ARL5B: variants seen among roughly 807,000 people sequenced by gnomAD.
ARL5B encodes ADP-ribosylation factor-like protein 5B.
Under a neutral mutation model 26.9 loss-of-function variants are expected in ARL5B, and 10 were observed. That is an observed-to-expected ratio of 0.37 (90% confidence interval 0.23 to 0.63). ARL5B has a LOEUF of 0.63. ARL5B is among the 30% of genes least tolerant of loss of function. The pLI, the probability that ARL5B is intolerant of heterozygous loss-of-function variation, is 0.62. For missense variants in ARL5B, 167 were observed against 213.9 expected (o/e 0.78, Z 1.37); for synonymous variants, 87 against 70.4 (o/e 1.24, Z -1.18).
Position 18,662,227 on chromosome 10 carries a change from A to T in ARL5B, c.46+2544A>T, listed in dbSNP as rs76239778. ...AGGCCTGGGCATCACTGCCAAGGTAAATCGAATGTGCAGCCAGTGTTAAGA... is the reference window on the plus strand; with the variant it reads ...AGGCCTGGGCATCACTGCCAAGGTATATCGAATGTGCAGCCAGTGTTAAGA... On this transcript the variant is annotated intron_variant, in intron 1 of 5. Coordinates refer to ENST00000377275, the MANE Select transcript of ARL5B (RefSeq NM_178815.5). Among the ~76,000 whole-genome samples, 1,186 of 152,362 alleles carry T rather than the reference A, an allele frequency of 7.8e-3. 7 individuals are homozygous for T. The highest frequency in any genetic ancestry group is 0.011 in the Non-Finnish European group (744 of 68,032).
At chr10:18,670,644 CAT>C (rs1211444119) in intron 3 of ARL5B, among the ~76,000 whole-genome samples, 1 of 152,070 alleles carries the variant, frequency 6.6e-6, no homozygotes, top group Non-Finnish European at 1.5e-5. Context: ...GGACAAATGA[CAT>C]TGTAGCATAT....
chr10:18,668,357 G>A (rs575711604), intron 2 of ARL5B, among the ~76,000 whole-genome samples, 173 bp from the exon 3 acceptor site: 1 of 151,864 alleles, frequency 6.6e-6, no homozygotes, highest in East Asian at 1.9e-4. Context: ...TCTTTCTTCT[G>A]GAGTTGTTAT....
At chr10:18,665,654 G>T (rs770096463) in intron 1 of ARL5B, among the ~76,000 whole-genome samples, 3 of 152,184 alleles carry the variant, frequency 2.0e-5, no homozygotes, top group Admixed American at 6.5e-5. Context: ...GATATGAGAT[G>T]TGCCCAATCG....
chr10:18,667,434 C>T (rs2059866300), intron 2 of ARL5B, among the ~76,000 whole-genome samples: 1 of 152,152 alleles, frequency 6.6e-6, no homozygotes, highest in African/African-American at 2.4e-5. Flanking sequence ...CTCTTGAAAA[C>T]ATTTTCATTC....
intron 3 of ARL5B, among the ~76,000 whole-genome samples, chr10:18,669,338 C>G (rs2059876405): frequency 6.6e-6 from 1 of 152,052 alleles, no homozygotes; most frequent in African/African-American, 2.4e-5. Context: ...TCACAACTTT[C>G]TAAGAGACCC....
intron 1 of ARL5B, among the ~76,000 whole-genome samples, chr10:18,663,805 C>T (rs2059848165): frequency 6.6e-6 from 1 of 151,936 alleles, no homozygotes; most frequent in Non-Finnish European, 1.5e-5. Flanking sequence ...ACCTCGGCCT[C>T]CCAAAGTGCT....
At chr10:18,663,677 T>C (rs1167628173) in intron 1 of ARL5B, among the ~76,000 whole-genome samples, 1 of 150,480 alleles carries the variant, frequency 6.6e-6, no homozygotes, top group Non-Finnish European at 1.5e-5. Context: ...GCCTCCCAAG[T>C]AGCTGGGACT....
chr10:18,667,907 G>C (rs763895604), intron 2 of ARL5B, among the ~76,000 whole-genome samples: 2 of 152,016 alleles, frequency 1.3e-5, no homozygotes, highest in Non-Finnish European at 2.9e-5. Flanking sequence ...TAGAGACGAG[G>C]CTTCACCATG....
At chr10:18,674,342 A>G (rs1030966177) in intron 5 of ARL5B, among the ~76,000 whole-genome samples, 1 of 152,212 alleles carries the variant, frequency 6.6e-6, no homozygotes, top group African/African-American at 2.4e-5. Flanking sequence ...TGTAAATATA[A>G]TGTTTTACCA....
At chr10:18,668,827 T>A in intron 3 of ARL5B, 150 bp downstream of exon 3, 1 of 818,596 alleles carries the variant, frequency 1.2e-6, no homozygotes, top group Non-Finnish European at 1.8e-6. Context: ...TAGAGTGCAG[T>A]GGAGTGATCT....
At chr10:18,660,410 C>T (rs2059826638) in intron 1 of ARL5B, among the ~76,000 whole-genome samples, 1 of 152,020 alleles carries the variant, frequency 6.6e-6, no homozygotes, top group South Asian at 2.1e-4. Flanking sequence ...AGAAAACACC[C>T]AGACCAAAAA....
chr10:18,661,781 C>T (rs1393466982), intron 1 of ARL5B, among the ~76,000 whole-genome samples: 3 of 152,032 alleles, frequency 2.0e-5, no homozygotes, highest in South Asian at 2.1e-4. Context: ...CTAGACAGAC[C>T]GAATAGAAGG....
At chr10:18,660,228 T>A (rs547765610) in intron 1 of ARL5B, among the ~76,000 whole-genome samples, 2 of 152,306 alleles carry the variant, frequency 1.3e-5, no homozygotes, top group Admixed American at 1.3e-4. Flanking sequence ...AAACTTTTTT[T>A]TTTAAAGCAT....
In ARL5B at chr10:18,675,211, A is replaced by C. The variant is rs1274658125; in HGVS notation, c.535A>C (p.Arg179=). The part of the protein sequence containing the change: ...LEWMTSRIGV[R] Reference sequence around the variant, plus strand: ...GTGGATGACCTCCCGGATTGGTGTGAGATAACTTTTTTGCTTGAAAGAGAC... The same window carrying C: ...GTGGATGACCTCCCGGATTGGTGTGCGATAACTTTTTTGCTTGAAAGAGAC... The change falls in exon 6 of 6, where the codon AGA becomes CGA. Residue 179 remains arginine, a synonymous_variant. Transcript: ENST00000377275. 2 of 1,613,264 alleles carry C rather than the reference A, an allele frequency of 1.2e-6. No individual in the cohort carries two copies. The highest frequency in any genetic ancestry group is 1.7e-6 in the Non-Finnish European group (2 of 1,179,388).
chr10:18,671,710 C>T (rs2059888361), intron 3 of ARL5B, among the ~76,000 whole-genome samples: 1 of 151,790 alleles, frequency 6.6e-6, no homozygotes, highest in Admixed American at 6.6e-5. Flanking sequence ...TCTCTCTCAC[C>T]CAGGCTGGAG....
chr10:18,671,880 G>A (rs2059889352), intron 3 of ARL5B, among the ~76,000 whole-genome samples: 1 of 152,062 alleles, frequency 6.6e-6, no homozygotes, highest in Non-Finnish European at 1.5e-5. Flanking sequence ...TCAAACTCCT[G>A]GGCTCAAGCA....
At position 18,679,214 on chromosome 10, in the gene ARL5B, A is replaced by G. The variant is rs984087999; in HGVS notation, c.*3998A>G. 1.3e-5 allele frequency: 2 copies of G among 152,052 alleles called. No homozygotes were observed. The highest frequency in any genetic ancestry group is 4.8e-5 in the African/African-American group (2 of 41,556). 9.4% of individuals were successfully genotyped at this position (152,052 alleles called of 1,614,324 possible). A position where few individuals can be genotyped will look rare whatever the true frequency, so the allele number is the denominator to read the frequency against. On this transcript the variant is annotated 3_prime_UTR_variant, in exon 6 of 6. Transcript: ENST00000377275. ...AACAAGCCATATTGCTAAGAAAAGG[A>G]TAGTAAGCTGCTTAGAAAGAACCAG...
At position 18,674,083 on chromosome 10, in the gene ARL5B, A is replaced by C. The variant is rs2059899923; in HGVS notation, c.439A>C (p.Ile147Leu). The C allele has an allele frequency of 3.7e-6, 6 of 1,613,114 alleles. No individual in the cohort carries two copies. Among genetic ancestry groups the C allele is most frequent in the Non-Finnish European group, 5.1e-6 (6 of 1,179,568 alleles). The part of the protein sequence containing the change: ...EISKYLTLSS[I>L]KDHPWHIQSC... ...CTCGAAATACCTCACCCTTAGTTCA[A>C]TTAAGGATCATCCATGGCACATTCA... The change falls in exon 5 of 6, where the codon ATT (isoleucine) becomes CTT (leucine). Residue 147 changes from isoleucine to leucine, a missense_variant. Coordinates refer to ENST00000377275, the MANE Select transcript of ARL5B (RefSeq NM_178815.5).
Position 18,659,573 on chromosome 10 carries a change from G to A in ARL5B, c.-65G>A. 1 of 1,527,486 alleles carries A rather than the reference G, an allele frequency of 6.5e-7. No homozygotes were observed. Among genetic ancestry groups the A allele is most frequent in the East Asian group, 2.5e-5 (1 of 40,670 alleles). The allele number at this position is 1,527,486 out of a possible 1,614,324, so 94.6% of individuals were successfully genotyped here. A position where few individuals can be genotyped will look rare whatever the true frequency, so the allele number is the denominator to read the frequency against. ...CTCGGCTCCGCGCAGCCCGCGCCGC[G>A]GTGGGGGACCCGGCGCAGCGGCACC... On this transcript the variant is annotated 5_prime_UTR_variant, in exon 1 of 6. Transcript: ENST00000377275.
Sources: gnomAD v4.1 joint callset for allele counts (sites outside exome capture counted in the v4.1 genomes callset) on GRCh38, gnomAD v4.1.1 for gene constraint, MANE v1.5 for transcripts, NCBI Gene and HGNC (gene_info 2026-07-23, HGNC 2026-07-21) for gene names.